The following RELN variants were observed in gnomAD, a reference collection of about 807,000 sequenced individuals.
RELN encodes reelin.
RELN carries 108 observed loss-of-function variants against 427.6 expected under a neutral mutation model. That is an observed-to-expected ratio of 0.25 (90% CI 0.22 to 0.30). RELN has a LOEUF of 0.30. Ranked by LOEUF, RELN falls within the 10% of genes least tolerant of loss-of-function variation. The probability of loss-of-function intolerance (pLI) is 1.00; values close to 1 mark genes in which losing one functional copy is unlikely to be tolerated. For missense variants in RELN, 3,715 were observed against 4,302.8 expected (o/e 0.86, Z 3.82); for synonymous variants, 1,524 against 1,513.4 (o/e 1.01, Z -0.16).
At chr7:103,785,777 G>A (rs1791999259) in intron 3 of RELN, among the ~76,000 whole-genome samples, 1 of 152,028 alleles carries the variant, frequency 6.6e-6, no homozygotes. Context: ...TCAACTCTGT[G>A]AAAATATTGT....
intron 6 of RELN, among the ~76,000 whole-genome samples, chr7:103,739,271 G>C (rs1336697233): frequency 6.6e-6 from 1 of 152,202 alleles, no homozygotes. Flanking sequence ...TGGATATGTA[G>C]TTGATGTTCA....
intron 2 of RELN, among the ~76,000 whole-genome samples, chr7:103,876,830 T>C (rs4283): frequency 0.14 from 21,896 of 151,746 alleles, 1,858 homozygotes; most frequent in East Asian, 0.34. Flanking sequence ...AGCACTACTT[T>C]AGGCTTAAAT....
At chr7:103,774,296 CA>C (rs35834080) in intron 4 of RELN, among the ~76,000 whole-genome samples, 58,297 of 120,986 alleles carry the variant, frequency 0.48, 12,240 homozygotes, top group East Asian at 0.73. Context: ...GACTTTGTCT[CA>C]AAAAAAAAAA....
intron 10 of RELN, among the ~76,000 whole-genome samples, chr7:103,682,669 C>A (rs1435389702): frequency 6.6e-6 from 1 of 152,128 alleles, no homozygotes; most frequent in African/African-American, 2.4e-5. Context: ...TTCTTACTTG[C>A]CATTCAAGTC....
intron 1 of RELN, among the ~76,000 whole-genome samples, chr7:103,970,748 G>C (rs1456795356): frequency 2.0e-5 from 3 of 152,202 alleles, no homozygotes; most frequent in Non-Finnish European, 4.4e-5. Context: ...AAATGTGACA[G>C]GAACCTAACT....
intron 4 of RELN, among the ~76,000 whole-genome samples, chr7:103,761,587 G>C (rs957855825): frequency 2.0e-5 from 3 of 151,944 alleles, no homozygotes; most frequent in African/African-American, 7.3e-5. Context: ...CAAGAAGCTG[G>C]GACTACAGGC....
At chr7:103,627,732 A>G (rs1349268333) in intron 20 of RELN, among the ~76,000 whole-genome samples, 2 of 152,158 alleles carry the variant, frequency 1.3e-5, no homozygotes, top group Non-Finnish European at 2.9e-5. Flanking sequence ...CAAGGTGCCC[A>G]TGGGGATTGT....
chr7:103,502,605 G>GAGTT (rs1467448804), intron 52 of RELN, among the ~76,000 whole-genome samples: 13 of 152,210 alleles, frequency 8.5e-5, no homozygotes, highest in African/African-American at 3.1e-4. Flanking sequence ...ATAGCATGAT[G>GAGTT]AGTTAGGATT....
At chr7:103,737,785 C>A (rs1790531264) in intron 6 of RELN, among the ~76,000 whole-genome samples, 1 of 152,188 alleles carries the variant, frequency 6.6e-6, no homozygotes, top group Admixed American at 6.5e-5. Context: ...TTGTCATTTA[C>A]ATATGAAAAT....
chr7:103,753,053 T>C, intron 5 of RELN, 129 bp downstream of exon 5: 2 of 933,090 alleles, frequency 2.1e-6, no homozygotes, highest in Non-Finnish European at 3.5e-6. Context: ...CCAAGTCCAA[T>C]TTCAGTGACT....
intron 2 of RELN, among the ~76,000 whole-genome samples, chr7:103,838,046 A>G (rs1793452233): frequency 6.6e-6 from 1 of 151,106 alleles, no homozygotes; most frequent in Non-Finnish European, 1.5e-5. Context: ...TCTCTACTAA[A>G]AATACAAAAA....
chr7:103,962,144 T>C (rs1228646553), intron 1 of RELN, among the ~76,000 whole-genome samples: 1 of 152,168 alleles, frequency 6.6e-6, no homozygotes, highest in Admixed American at 6.5e-5. Context: ...TAGAAAGCGA[T>C]ATTCAACACC....
At chr7:103,554,392 T>C (rs1215059991) in intron 38 of RELN, among the ~76,000 whole-genome samples, 2 of 150,832 alleles carry the variant, frequency 1.3e-5, no homozygotes, top group African/African-American at 4.9e-5. Context: ...ACCTCGTCTC[T>C]ATAAAAAAGC....
intron 20 of RELN, among the ~76,000 whole-genome samples, chr7:103,623,482 AT>A (rs1832263651): frequency 1.3e-5 from 2 of 152,128 alleles, no homozygotes; most frequent in South Asian, 2.1e-4. Context: ...ATTGTCAGTA[AT>A]TTTTTTCCTT....
At chr7:103,697,795 CA>C in intron 10 of RELN, 57 bp downstream of exon 10, 1 of 1,611,484 alleles carries the variant, frequency 6.2e-7, no homozygotes, top group Non-Finnish European at 8.5e-7. Context: ...TATTGAGCTT[CA>C]CTTTTAGAAA....
rs563693899 is a variant in RELN at position 103,476,446 on chromosome 7, C to T, written c.10286+1943G>A. 3.1e-3 allele frequency among the ~76,000 whole-genome samples: 472 copies of T among 152,210 alleles called. 2 individuals are homozygous for T. Among genetic ancestry groups the T allele is most frequent in the South Asian group, 0.022 (107 of 4,812 alleles). On this transcript the variant is annotated intron_variant, in intron 64 of 64. Transcript: ENST00000428762. ...AGTGAGCTGAGATTGTGCCACTGCA[C>T]TCCAGCCTGGGGCGACACGGTGAGA...
rs988113737 is a variant in RELN at position 103,569,907 on chromosome 7, G to T, written c.4588+2277C>A. 1.3e-5 allele frequency among the ~76,000 whole-genome samples: 2 copies of T among 152,140 alleles called. No homozygotes were observed. The highest frequency in any genetic ancestry group is 2.1e-4 in the South Asian group (1 of 4,838). On this transcript the variant is annotated intron_variant, in intron 31 of 64. Transcript: ENST00000428762. This position sits in a 1 kb window ranked among gnomAD's most constrained non-coding sequence, Gnocchi z 4.0. ...CTTTTTAAACAGCAGCTCCATCTGC[G>T]TTATGCCCAGTCTTACTGAAAATAG...
chr7:103,821,631 C>A (rs987943147), intron 3 of RELN, among the ~76,000 whole-genome samples: 13 of 152,142 alleles, frequency 8.5e-5, no homozygotes, highest in Admixed American at 3.9e-4. Flanking sequence ...AGGATGCCAT[C>A]TCAAATCTGA....
Position 103,569,771 on chromosome 7 carries a change from T to G in RELN, c.4588+2413A>C, listed in dbSNP as rs190355580. On this transcript the variant is annotated intron_variant, in intron 31 of 64. Coordinates refer to ENST00000428762, the MANE Select transcript of RELN (RefSeq NM_005045.4). The surrounding 1 kb of genome is among the most constrained non-coding windows in gnomAD (Gnocchi z 4.0). ...AAAGGCAAAGAGCAATATACATATC[T>G]CATATCACTTGCTGAACCTCATTAG... Among the ~76,000 whole-genome samples, 516 of 152,330 alleles carry G rather than the reference T, an allele frequency of 3.4e-3. No homozygotes were observed. The highest frequency in any genetic ancestry group is 0.012 in the African/African-American group (482 of 41,572).
Sources: allele counts gnomAD v4.1 joint callset (sites outside exome capture counted in the v4.1 genomes callset), GRCh38; gene constraint gnomAD v4.1.1; non-coding constraint Gnocchi (gnomAD v3.1); transcripts MANE v1.5; gene names NCBI Gene and HGNC (gene_info 2026-07-23, HGNC 2026-07-21).